The following MAGI1 variants were observed in gnomAD, a reference collection of about 807,000 sequenced individuals.
The protein encoded by MAGI1 is membrane associated guanylate kinase, WW and PDZ domain containing 1, also known as membrane-associated guanylate kinase, WW and PDZ domain-containing protein 1.
A neutral mutation model predicts 139.9 loss-of-function variants in MAGI1; 58 were observed. That is an observed-to-expected ratio of 0.41 (90% confidence interval 0.34 to 0.52). The LOEUF (loss-of-function observed/expected upper bound fraction) is 0.52. Ranked by LOEUF, MAGI1 falls within the 20% of genes least tolerant of loss-of-function variation. The probability of loss-of-function intolerance (pLI) is 0.12; values close to 1 mark genes in which losing one functional copy is unlikely to be tolerated. For missense variants in MAGI1, 1,874 were observed against 1,901.6 expected (o/e 0.99, Z 0.27); for synonymous variants, 812 against 737.9 (o/e 1.10, Z -1.63).
At chr3:65,792,402 T>C (rs1450985659) in intron 1 of MAGI1, among the ~76,000 whole-genome samples, 1 of 151,832 alleles carries the variant, frequency 6.6e-6, no homozygotes, top group African/African-American at 2.4e-5. Context: ...GAGGAGGAGG[T>C]TGCAGTGAGC....
At chr3:65,789,708 G>C (rs115036204) in intron 1 of MAGI1, among the ~76,000 whole-genome samples, 2 of 152,066 alleles carry the variant, frequency 1.3e-5, no homozygotes, top group African/African-American at 4.8e-5. Flanking sequence ...GATCTCCCTC[G>C]CCCACGGCCC....
chr3:65,406,214 G>A (rs560141179), intron 12 of MAGI1, among the ~76,000 whole-genome samples: 2 of 152,008 alleles, frequency 1.3e-5, no homozygotes, highest in East Asian at 2.0e-4. Context: ...CTGATTAAAT[G>A]TAAATACGGA....
At chr3:65,704,356 G>A (rs771508914) in intron 1 of MAGI1, among the ~76,000 whole-genome samples, 13 of 152,278 alleles carry the variant, frequency 8.5e-5, no homozygotes, top group Non-Finnish European at 1.6e-4. Context: ...AGCCCCAAGT[G>A]TCAACTCAAC....
At chr3:65,657,433 CAAA>C (rs34377694) in intron 1 of MAGI1, among the ~76,000 whole-genome samples, 31 of 134,914 alleles carry the variant, frequency 2.3e-4, no homozygotes, top group East Asian at 1.0e-3. Context: ...CCATCTCTAT[CAAA>C]AAAAAAAAAA....
At chr3:65,618,001 G>A (rs1033271592) in intron 2 of MAGI1, among the ~76,000 whole-genome samples, 1 of 152,156 alleles carries the variant, frequency 6.6e-6, no homozygotes, top group African/African-American at 2.4e-5. Context: ...TGCAGCTTGG[G>A]GAGTAGGGGG....
At chr3:65,501,981 T>C (rs900727325) in intron 2 of MAGI1, among the ~76,000 whole-genome samples, 2 of 152,174 alleles carry the variant, frequency 1.3e-5, no homozygotes, top group Non-Finnish European at 2.9e-5. Context: ...ATATTCTATA[T>C]ATTCTATAGA....
chr3:65,953,372 C>T (rs1488200834), intron 1 of MAGI1, among the ~76,000 whole-genome samples: 2 of 152,268 alleles, frequency 1.3e-5, no homozygotes, highest in African/African-American at 2.4e-5. Flanking sequence ...ATTTTTTCCA[C>T]TCTTATCTAA....
intron 1 of MAGI1, among the ~76,000 whole-genome samples, chr3:65,705,486 T>C (rs73832926): frequency 0.01 from 1,551 of 152,372 alleles, 28 homozygotes; most frequent in African/African-American, 0.036. Context: ...ATGTGAATTT[T>C]ACCCTGATTT....
intron 1 of MAGI1, among the ~76,000 whole-genome samples, chr3:65,969,684 A>G (rs2064931142): frequency 6.6e-6 from 1 of 152,154 alleles, no homozygotes; most frequent in Non-Finnish European, 1.5e-5. Flanking sequence ...TAAACCCTCT[A>G]AGTCAGTACT....
At chr3:65,641,976 G>A (rs1015244015) in intron 1 of MAGI1, among the ~76,000 whole-genome samples, 1 of 152,158 alleles carries the variant, frequency 6.6e-6, no homozygotes, top group Admixed American at 6.5e-5. Flanking sequence ...CGATGACAAG[G>A]AACAAGGTGA....
At chr3:65,979,093 C>CCT (rs1553742273) in intron 1 of MAGI1, among the ~76,000 whole-genome samples, 2 of 51,498 alleles carry the variant, frequency 3.9e-5, no homozygotes, top group Non-Finnish European at 9.3e-5. Context: ...TTTCTTCCCC[C>CCT]CCCCCGCCAC....
chr3:65,895,487 C>T (rs759187253), intron 1 of MAGI1, among the ~76,000 whole-genome samples: 9 of 152,186 alleles, frequency 5.9e-5, no homozygotes, highest in African/African-American at 1.4e-4. Context: ...ACAATTCATT[C>T]GAGAAGGCAA....
chr3:65,429,067 G>A (rs576606733), intron 12 of MAGI1, among the ~76,000 whole-genome samples: 1 of 152,228 alleles, frequency 6.6e-6, no homozygotes, highest in South Asian at 2.1e-4. Context: ...GCCACATTTT[G>A]CAGGCTATGC....
chr3:65,627,783 G>A (rs2107124468), intron 1 of MAGI1, among the ~76,000 whole-genome samples: 1 of 152,030 alleles, frequency 6.6e-6, no homozygotes, highest in African/African-American at 2.4e-5. Flanking sequence ...TAGGATTACA[G>A]GCTTGAGCCA....
At chr3:65,787,786 G>T (rs17073795) in intron 1 of MAGI1, among the ~76,000 whole-genome samples, 1,597 of 152,092 alleles carry the variant, frequency 0.011, 25 homozygotes, top group African/African-American at 0.036. Flanking sequence ...TGAATGTTAG[G>T]AGCCGTTAAA....
At chr3:65,370,981 C>T (rs972056645) in intron 18 of MAGI1, among the ~76,000 whole-genome samples, 1 of 152,230 alleles carries the variant, frequency 6.6e-6, no homozygotes, top group African/African-American at 2.4e-5. Context: ...ATTAAGTCAA[C>T]ATCTACTATC....
At chr3:65,543,713 G>A (rs2079357771) in intron 2 of MAGI1, among the ~76,000 whole-genome samples, 1 of 151,692 alleles carries the variant, frequency 6.6e-6, no homozygotes, top group Admixed American at 6.6e-5. Context: ...AGAATACATG[G>A]ACACAGAGAG....
chr3:65,430,002 G>A lies in MAGI1; in HGVS notation c.1685C>T (p.Pro562Leu). 34 of 1,613,934 alleles carry A rather than the reference G, an allele frequency of 2.1e-5. No individual in the cohort carries two copies. The highest frequency in any genetic ancestry group is 2.6e-5 in the Non-Finnish European group (31 of 1,179,922). ...LCRGYPLPFD[P>L]DDPNTSLVTS... Reference sequence around the variant, plus strand: ...CACTAAACTTGTATTGGGGTCATCTGGATCAAAAGGCAATGGATAACCTCG... The same window carrying A: ...CACTAAACTTGTATTGGGGTCATCTAGATCAAAAGGCAATGGATAACCTCG... Residue 562 changes from proline (P) to leucine (L), a missense_variant, in exon 12 of 23, where the codon CCA (proline) becomes CTA (leucine). Coordinates refer to ENST00000402939, the MANE Select transcript of MAGI1 (RefSeq NM_001033057.2).
At chr3:65,541,050 A>C (rs1288439676) in intron 2 of MAGI1, among the ~76,000 whole-genome samples, 2 of 152,214 alleles carry the variant, frequency 1.3e-5, no homozygotes, top group African/African-American at 4.8e-5. Flanking sequence ...TCCAAGGGAA[A>C]TCTATCCTAA....
Sources: allele counts gnomAD v4.1 joint callset (sites outside exome capture counted in the v4.1 genomes callset), GRCh38; gene constraint gnomAD v4.1.1; transcripts MANE v1.5; gene names NCBI Gene and HGNC (gene_info 2026-07-23, HGNC 2026-07-21).